PRPF18: variants seen among roughly 807,000 people sequenced by gnomAD.
The protein encoded by PRPF18 is pre-mRNA processing factor 18.
PRPF18 carries 38 observed loss-of-function variants against 46.5 expected under a neutral mutation model. That is an observed-to-expected ratio of 0.82 (90% CI 0.63 to 1.07). The LOEUF is 1.07. Among genes scored for constraint, PRPF18 ranks in the 50% least tolerant of loss-of-function variants. PRPF18 has a pLI of 0.00. For synonymous variants in PRPF18, 152 were observed against 146.7 expected (o/e 1.04, Z -0.26); for missense variants, 263 against 410.0 (o/e 0.64, Z 3.10).
the PRPF18 span, among the ~76,000 whole-genome samples, chr10:13,652,693 C>T: frequency 2.0e-5 from 3 of 152,254 alleles, no homozygotes; most frequent in African/African-American, 7.2e-5. Context: ...AGCTGGGGCT[C>T]CAGTTTCTCT....
intron 9 of PRPF18, among the ~76,000 whole-genome samples, chr10:13,618,712 G>T (rs773965304): frequency 4.0e-5 from 6 of 151,386 alleles, no homozygotes; most frequent in Non-Finnish European, 8.8e-5. Context: ...ATAACTTAGT[G>T]TAGGTTCTCC....
At chr10:13,608,033 C>G (rs1175286380) in intron 4 of PRPF18, among the ~76,000 whole-genome samples, 2 of 152,174 alleles carry the variant, frequency 1.3e-5, no homozygotes, top group African/African-American at 2.4e-5. Flanking sequence ...GTGTGGTTAC[C>G]TATGACTATG....
At chr10:13,620,004 T>G (rs908127201) in intron 9 of PRPF18, among the ~76,000 whole-genome samples, 1 of 152,118 alleles carries the variant, frequency 6.6e-6, no homozygotes, top group African/African-American at 2.4e-5. Flanking sequence ...TAGAGTTTTG[T>G]AAAATTCTTG....
At chr10:13,637,923 G>C in the PRPF18 span, 1 of 152,174 alleles carries the variant, frequency 6.6e-6, no homozygotes, top group South Asian at 2.1e-4. Flanking sequence ...GCAAGTTCAT[G>C]TGCCATAAAT....
At chr10:13,604,382 G>A (rs1174737651) in intron 3 of PRPF18, among the ~76,000 whole-genome samples, 1 of 152,122 alleles carries the variant, frequency 6.6e-6, no homozygotes, top group Admixed American at 6.5e-5. Flanking sequence ...TATATAAAGT[G>A]TATGAACCAT....
intron 9 of PRPF18, among the ~76,000 whole-genome samples, chr10:13,622,076 C>T (rs1157557049): frequency 6.6e-6 from 1 of 152,172 alleles, no homozygotes; most frequent in Non-Finnish European, 1.5e-5. Context: ...GTAAATGCTC[C>T]CATGCCTCAG....
At chr10:13,607,793 ATATT>A (rs1156625386) in intron 4 of PRPF18, among the ~76,000 whole-genome samples, 1 of 152,178 alleles carries the variant, frequency 6.6e-6, no homozygotes, top group Non-Finnish European at 1.5e-5. Context: ...TTTCAAATAT[ATATT>A]CTTAATTTTC....
chr10:13,647,530 G>A, the PRPF18 span: 42 of 152,054 alleles, frequency 2.8e-4, no homozygotes, highest in Non-Finnish European at 4.1e-4. Context: ...GATGTCACTA[G>A]GAAATTTTTA....
At chr10:13,611,520 G>A in intron 5 of PRPF18, 95 bp from the exon 6 acceptor site, 1 of 1,000,676 alleles carries the variant, frequency 1.0e-6, no homozygotes, top group Non-Finnish European at 1.5e-6. Context: ...AACAGCATAT[G>A]TGACCAAGAG....
chr10:13,633,180 G>A (rs1033915245), downstream of PRPF18, among the ~76,000 whole-genome samples: 4 of 152,190 alleles, frequency 2.6e-5, no homozygotes, highest in Admixed American at 2.6e-4. Context: ...AGGACAGTCC[G>A]AATCTCGTAG....
chr10:13,623,826 T>G (rs1207913753), intron 9 of PRPF18, among the ~76,000 whole-genome samples: 1 of 152,230 alleles, frequency 6.6e-6, no homozygotes, highest in Non-Finnish European at 1.5e-5. Flanking sequence ...GGATATATCC[T>G]ATATCATGCT....
chr10:13,592,594 T>C (rs1473564047), intron 1 of PRPF18, among the ~76,000 whole-genome samples: 1 of 152,190 alleles, frequency 6.6e-6, no homozygotes, highest in African/African-American at 2.4e-5. Context: ...AGATATCCTC[T>C]TACCACCTGT....
At chr10:13,599,119 GT>G (rs2080072254) in intron 2 of PRPF18, among the ~76,000 whole-genome samples, 5 of 152,128 alleles carry the variant, frequency 3.3e-5, no homozygotes, top group Non-Finnish European at 7.4e-5. Context: ...TAAAGCACAG[GT>G]GTTTCTTTCT....
At chr10:13,635,230 C>T (rs1293616459), downstream of PRPF18, among the ~76,000 whole-genome samples, 1 of 152,184 alleles carries the variant, frequency 6.6e-6, no homozygotes. Flanking sequence ...TGATCTCATT[C>T]CTTTGTATGG....
chr10:13,636,063 C>G, the PRPF18 span, among the ~76,000 whole-genome samples: 2 of 152,102 alleles, frequency 1.3e-5, no homozygotes, highest in African/African-American at 4.8e-5. Context: ...GGGCTGGTTG[C>G]ACATTGTTGG....
At chr10:13,620,996 A>G (rs1165527099) in intron 9 of PRPF18, among the ~76,000 whole-genome samples, 3 of 152,200 alleles carry the variant, frequency 2.0e-5, no homozygotes, top group African/African-American at 7.2e-5. Context: ...CATTCTTCCA[A>G]ATAGAGATGT....
At chr10:13,604,326 C>T (rs533861702) in intron 3 of PRPF18, among the ~76,000 whole-genome samples, 191 of 152,214 alleles carry the variant, frequency 1.3e-3, no homozygotes, top group Non-Finnish European at 2.1e-3. Context: ...GTATTTATTA[C>T]GTTTTCTGTT....
intron 3 of PRPF18, among the ~76,000 whole-genome samples, chr10:13,601,710 C>G (rs1343600244): frequency 6.6e-6 from 1 of 152,140 alleles, no homozygotes; most frequent in Admixed American, 6.5e-5. Flanking sequence ...GGCAGGTTAT[C>G]TGGTCTGTTT....
the PRPF18 span, chr10:13,639,998 T>C: frequency 3.3e-5 from 5 of 152,232 alleles, no homozygotes; most frequent in East Asian, 3.8e-4. Context: ...TTTTCCACAC[T>C]TGTAGAACCA....
Sources: gnomAD v4.1 joint callset for allele counts (sites outside exome capture counted in the v4.1 genomes callset) on GRCh38, gnomAD v4.1.1 for gene constraint, MANE v1.5 for transcripts, NCBI Gene and HGNC (gene_info 2026-07-23, HGNC 2026-07-21) for gene names.